ARMH1: variants seen among roughly 807,000 people sequenced by gnomAD.
ARMH1 encodes armadillo like helical domain containing 1, also known as armadillo-like helical domain containing protein 1.
ARMH1 carries 34 observed loss-of-function variants against 50.2 expected under a neutral mutation model. That is an observed-to-expected ratio of 0.68 (90% CI 0.51 to 0.90). The LOEUF is 0.90. Among genes scored for constraint, ARMH1 ranks in the 40% least tolerant of loss-of-function variants. The pLI, the probability that ARMH1 is intolerant of heterozygous loss-of-function variation, is 0.00. For synonymous variants in ARMH1, 221 were observed against 224.2 expected, an observed-to-expected ratio of 0.99 and a Z score of 0.13; for missense variants, 538 against 553.9, an observed-to-expected ratio of 0.97 and a Z score of 0.29.
rs1449690627 is a variant in ARMH1, at chr1:44,723,974, C to A, written c.725-148C>A. Reference sequence around the variant, plus strand: ...CTCCTCCTGCTCTTCAACTGAGGTTCGCCTTCCCAGCTCCCCCACGCCCTG... The same window carrying A: ...CTCCTCCTGCTCTTCAACTGAGGTTAGCCTTCCCAGCTCCCCCACGCCCTG... On this transcript the variant is annotated intron_variant, in intron 6 of 11. Coordinates refer to ENST00000535358, the MANE Select transcript of ARMH1 (RefSeq NM_001145636.2). The A allele has an allele frequency of 2.5e-5, 25 of 1,001,716 alleles. No homozygotes were observed. The South Asian group carries it at 3.6e-4, about 15-fold the overall frequency. 62.1% of individuals were successfully genotyped at this position (1,001,716 alleles called of 1,614,324 possible). A position where few individuals can be genotyped will look rare whatever the true frequency, so the allele number is the denominator to read the frequency against.
chr1:44,687,139 G>A (rs949432853), intron 1 of ARMH1, among the ~76,000 whole-genome samples: 1 of 152,134 alleles, frequency 6.6e-6, no homozygotes, highest in African/African-American at 2.4e-5. Flanking sequence ...CTGGAGGCTG[G>A]AAGGCTGAGA....
rs1645341043 is a variant in ARMH1 at position 44,682,354 on chromosome 1, A to G, written c.-22-7322A>G. On this transcript the variant is annotated intron_variant, in intron 1 of 11. Transcript: ENST00000535358. The surrounding 1 kb of genome is among the most constrained non-coding windows in gnomAD (Gnocchi z 4.5). ...CGGCAAGGTAGAGAGGGAAAGACAG[A>G]TGGCCTGACCTCAGAGGAGGAGGAA... Among the ~76,000 whole-genome samples, 1 of 152,186 alleles carries G rather than the reference A, an allele frequency of 6.6e-6. No individual in the cohort carries two copies. The highest frequency in any genetic ancestry group is 1.5e-5 in the Non-Finnish European group (1 of 68,034).
At chr1:44,721,854 T>G (rs999591091) in intron 6 of ARMH1, 2 of 152,210 alleles carry the variant, frequency 1.3e-5, no homozygotes, top group Admixed American at 6.5e-5. Context: ...CACGGAAATC[T>G]TTAGTAAAAG....
chr1:44,716,143 C>G (rs1646840621), intron 6 of ARMH1, among the ~76,000 whole-genome samples: 1 of 144,462 alleles, frequency 6.9e-6, no homozygotes, highest in Non-Finnish European at 1.5e-5. Flanking sequence ...TCCTAGGTGT[C>G]AATTTTTTTT....
rs755507061 is a variant in ARMH1, at chr1:44,724,843, A to C, written c.1128+4A>C. 2.0e-6 allele frequency: 3 copies of C among 1,534,484 alleles called. No individual in the cohort carries two copies. In the South Asian group the frequency reaches 3.6e-5, roughly 18 times the overall value. On this transcript the variant is annotated splice_donor_region_variant and intron_variant, in intron 10 of 11. Coordinates refer to ENST00000535358, the MANE Select transcript of ARMH1 (RefSeq NM_001145636.2). The surrounding 1 kb of genome is among the most constrained non-coding windows in gnomAD (Gnocchi z 6.4). ...GGAACTCTACCAGCTCTTCCTGGTA[A>C]GTGCGCCCTTCCTGCCCCGCCGCAA... is the stretch of plus-strand genomic sequence containing the variant.
At chr1:44,721,456 C>T (rs908985970) in intron 6 of ARMH1, among the ~76,000 whole-genome samples, 2 of 152,016 alleles carry the variant, frequency 1.3e-5, no homozygotes, top group African/African-American at 4.8e-5. Flanking sequence ...ACTAGAAAGA[C>T]TCACAAGACT....
intron 1 of ARMH1, among the ~76,000 whole-genome samples, chr1:44,686,881 C>T (rs1461545742): frequency 3.3e-5 from 5 of 149,562 alleles, no homozygotes; most frequent in Admixed American, 1.3e-4. Context: ...TTTAAGGCTG[C>T]AGTTTACTAT....
intron 6 of ARMH1, among the ~76,000 whole-genome samples, chr1:44,706,832 C>T (rs1646365088): frequency 6.6e-6 from 1 of 152,060 alleles, no homozygotes; most frequent in South Asian, 2.1e-4. Flanking sequence ...AGAGGGTTGT[C>T]ACTGGCATTG....
chr1:44,704,815 A>C (rs1376251339), intron 6 of ARMH1, among the ~76,000 whole-genome samples: 19 of 129,236 alleles, frequency 1.5e-4, no homozygotes, highest in South Asian at 5.1e-4. Flanking sequence ...CCCGGCCAGG[A>C]GCTTTTATTT....
rs745841560 is a variant in ARMH1, at chr1:44,724,644, G to A, written c.1026G>A (p.Gln342=). 20 of 1,502,890 alleles carry A rather than the reference G, an allele frequency of 1.3e-5. No homozygotes were observed. In the South Asian group the frequency reaches 2.5e-4, roughly 19 times the overall value. The allele number at this position is 1,502,890 out of a possible 1,614,324, so 93.1% of individuals were successfully genotyped here. A position where few individuals can be genotyped will look rare whatever the true frequency, so the allele number is the denominator to read the frequency against. The change falls in exon 9 of 12, where the codon CAG becomes CAA. Residue 342 remains glutamine, a synonymous_variant. Transcript: ENST00000535358. This position sits in a 1 kb window ranked among gnomAD's most constrained non-coding sequence, Gnocchi z 6.4. ...GCAACACGGACCACAGCAACAGCCAGCGGCTGGCCAGCCTCACGCTGGAGG... is the reference window on the plus strand; with the variant it reads ...GCAACACGGACCACAGCAACAGCCAACGGCTGGCCAGCCTCACGCTGGAGG... ...AMGNTDHSNS[Q]RLASLTLECF... is the part of the protein sequence containing the mutation.
At chr1:44,680,252 C>G (rs1436883155) in intron 1 of ARMH1, among the ~76,000 whole-genome samples, 1 of 152,262 alleles carries the variant, frequency 6.6e-6, no homozygotes, top group Non-Finnish European at 1.5e-5. Context: ...TCTTGGCTCA[C>G]TGCAGCCTCA....
intron 6 of ARMH1, among the ~76,000 whole-genome samples, chr1:44,719,540 G>A (rs924458727): frequency 3.3e-5 from 5 of 152,230 alleles, no homozygotes; most frequent in African/African-American, 1.2e-4. Context: ...CAGCACACAG[G>A]ATGTGGCTGC....
intron 1 of ARMH1, among the ~76,000 whole-genome samples, chr1:44,685,024 T>TA (rs921112165): frequency 1.5e-4 from 22 of 150,728 alleles, no homozygotes; most frequent in African/African-American, 2.4e-4. Context: ...ATGAGGGTGT[T>TA]AAAAAAAAAC....
chr1:44,725,049 C>T (rs1557576903), intron 10 of ARMH1, 87 bp from the exon 11 acceptor site: 2 of 1,538,860 alleles, frequency 1.3e-6, no homozygotes, highest in Non-Finnish European at 1.8e-6. Context: ...GACCCGCCCC[C>T]CACCTGCAAC....
chr1:44,718,627 G>C (rs1477095570), intron 6 of ARMH1, among the ~76,000 whole-genome samples: 2 of 152,186 alleles, frequency 1.3e-5, no homozygotes, highest in Non-Finnish European at 2.9e-5. Context: ...GACCACATCT[G>C]GGCAACCAGA....
chr1:44,679,780 A>G (rs1460517135), intron 1 of ARMH1, among the ~76,000 whole-genome samples: 3 of 152,248 alleles, frequency 2.0e-5, no homozygotes, highest in Admixed American at 1.3e-4. Context: ...ACATTCAGAT[A>G]TAATCATCTC....
intron 6 of ARMH1, among the ~76,000 whole-genome samples, chr1:44,709,140 T>C (rs1347930822): frequency 6.6e-6 from 1 of 152,164 alleles, no homozygotes; most frequent in Non-Finnish European, 1.5e-5. Flanking sequence ...TTCGACCCAG[T>C]TGATCACTCC....
Position 44,725,334 on chromosome 1 carries a change from T to C in ARMH1, c.1254T>C (p.Tyr418=), listed in dbSNP as rs376547236. The part of the protein sequence containing the change: ...HGSSYSMNTL[Y]GSRDSAQMAY... ...GCTCCTACAGCATGAACACTCTCTA[T>C]GGCTCGCGCGATTCGGCTCAGATGG... Residue 418 remains tyrosine, a synonymous_variant, in exon 12 of 12, where the codon TAT becomes TAC. Coordinates refer to ENST00000535358, the MANE Select transcript of ARMH1 (RefSeq NM_001145636.2). 119 of 1,551,712 alleles carry C rather than the reference T, an allele frequency of 7.7e-5. No homozygotes were observed. The East Asian group carries it at 2.4e-3, about 32-fold the overall frequency.
chr1:44,724,340 A>G lies in ARMH1; in HGVS notation c.868A>G (p.Thr290Ala). The part of the protein sequence containing the change: ...ILSDPSVLQL[T>A]PSLPMFLQQA... The stretch of plus-strand genomic sequence containing the variant: ...CTCAGACCCCTCGGTTCTCCAGCTC[A>G]CCCCCAGCCTGCCGATGTTTTTGCA... Residue 290 changes from threonine to alanine, a missense_variant, in exon 8 of 12, where the codon ACC becomes GCC. Transcript: ENST00000535358. This position sits in a 1 kb window ranked among gnomAD's most constrained non-coding sequence, Gnocchi z 6.4. The G allele has an allele frequency of 6.4e-7, 1 of 1,550,676 alleles. No homozygotes were observed. Among genetic ancestry groups the G allele is most frequent in the Non-Finnish European group, 8.7e-7 (1 of 1,146,852 alleles).
Sources: gnomAD v4.1 joint callset for allele counts (sites outside exome capture counted in the v4.1 genomes callset) on GRCh38, gnomAD v4.1.1 for gene constraint, Gnocchi (gnomAD v3.1) non-coding constraint, MANE v1.5 for transcripts, NCBI Gene and HGNC (gene_info 2026-07-23, HGNC 2026-07-21) for gene names.